ANK1: variants seen among roughly 807,000 people sequenced by gnomAD.
ANK1 encodes the protein ankyrin-1.
In ANK1, 51 loss-of-function variants were observed where a neutral mutation model predicts 210.4. The observed-to-expected ratio is 0.24, with a 90% CI of 0.19 to 0.31. The LOEUF (loss-of-function observed/expected upper bound fraction) is 0.31. Among genes scored for constraint, ANK1 ranks in the 10% least tolerant of loss-of-function variants. ANK1 has a pLI of 1.00. For synonymous variants in ANK1, 967 were observed against 1,025.9 expected (o/e 0.94, Z 1.10); for missense variants, 2,051 against 2,504.4 (o/e 0.82, Z 3.86).
At chr8:41,871,608 G>A (rs1206557574) in intron 1 of ANK1, among the ~76,000 whole-genome samples, 2 of 152,184 alleles carry the variant, frequency 1.3e-5, no homozygotes, top group Non-Finnish European at 2.9e-5. Flanking sequence ...CCAGGAGCCA[G>A]GAGAGGGGCC....
chr8:41,761,671 A>G (rs1402769569), intron 1 of ANK1, among the ~76,000 whole-genome samples: 1 of 152,206 alleles, frequency 6.6e-6, no homozygotes, highest in Non-Finnish European at 1.5e-5. Context: ...CACACTAGTG[A>G]TGACCACCCT....
At chr8:41,864,992 G>A (rs770288833) in intron 1 of ANK1, among the ~76,000 whole-genome samples, 22 of 152,294 alleles carry the variant, frequency 1.4e-4, no homozygotes, top group Non-Finnish European at 2.5e-4. Flanking sequence ...CCACAAACAC[G>A]GCAACCCCTT....
At chr8:41,837,172 T>A (rs1184031000) in intron 1 of ANK1, among the ~76,000 whole-genome samples, 4 of 152,210 alleles carry the variant, frequency 2.6e-5, no homozygotes, top group Non-Finnish European at 5.9e-5. Flanking sequence ...CACAGAGTAA[T>A]TTTAAGTCTC....
At chr8:41,840,415 T>A (rs1161544173) in intron 1 of ANK1, 1 of 152,252 alleles carries the variant, frequency 6.6e-6, no homozygotes, top group Non-Finnish European at 1.5e-5. Context: ...TACCTACCTC[T>A]TTTTTTCACA....
chr8:41,703,980 TCA>T, intron 20 of ANK1, 59 bp downstream of exon 20: 1 of 1,495,490 alleles, frequency 6.7e-7, no homozygotes, highest in South Asian at 1.1e-5. Context: ...TTAGGGGAGT[TCA>T]CACAGGGCTG....
chr8:41,818,999 G>A (rs573514362), intron 1 of ANK1, among the ~76,000 whole-genome samples: 2 of 152,284 alleles, frequency 1.3e-5, no homozygotes, highest in East Asian at 3.9e-4. Flanking sequence ...GCAATATGGA[G>A]TAACTCAAGC....
At chr8:41,662,450 C>A (rs935696529) in intron 40 of ANK1, among the ~76,000 whole-genome samples, 1 of 152,216 alleles carries the variant, frequency 6.6e-6, no homozygotes, top group Non-Finnish European at 1.5e-5. Context: ...GGGGCCTTGG[C>A]AGTGTCATTT....
chr8:41,710,678 C>T (rs1259710835), intron 16 of ANK1, among the ~76,000 whole-genome samples: 1 of 152,236 alleles, frequency 6.6e-6, no homozygotes. Flanking sequence ...GGCTGCCCAA[C>T]GTGGGATCTG....
At chr8:41,878,124 G>A (rs1053604235) in intron 1 of ANK1, among the ~76,000 whole-genome samples, 1 of 152,180 alleles carries the variant, frequency 6.6e-6, no homozygotes, top group Non-Finnish European at 1.5e-5. Context: ...CCCATTATGC[G>A]ACTTACCAAA....
intron 1 of ANK1, among the ~76,000 whole-genome samples, chr8:41,860,059 A>G (rs942056714): frequency 2.7e-4 from 41 of 152,298 alleles, no homozygotes; most frequent in Middle Eastern, 6.8e-3. Flanking sequence ...CCATCAGCAA[A>G]CGAGACAAGG....
At chr8:41,877,983 C>A (rs1393953396) in intron 1 of ANK1, among the ~76,000 whole-genome samples, 1 of 152,154 alleles carries the variant, frequency 6.6e-6, no homozygotes, top group Non-Finnish European at 1.5e-5. Context: ...GGGCACACAG[C>A]CTAGCGCCCA....
At chr8:41,792,626 T>G (rs1447518658) in intron 1 of ANK1, among the ~76,000 whole-genome samples, 1 of 151,996 alleles carries the variant, frequency 6.6e-6, no homozygotes, top group Middle Eastern at 3.2e-3. Flanking sequence ...GCTCACAGCG[T>G]GGAGGAGAGA....
chr8:41,798,374 A>C (rs969293402), upstream of ANK1, among the ~76,000 whole-genome samples: 2 of 152,116 alleles, frequency 1.3e-5, no homozygotes, highest in African/African-American at 2.4e-5. Context: ...GTTCCTGGGA[A>C]CCGAGGTGAG....
intron 24 of ANK1, among the ~76,000 whole-genome samples, chr8:41,697,384 A>G (rs1229157874): frequency 6.6e-6 from 1 of 151,996 alleles, no homozygotes; most frequent in Admixed American, 6.5e-5. Context: ...TGCTCTCTAG[A>G]TCTTCACATT....
rs150256666 is a variant in ANK1 at position 41,679,854 on chromosome 8, G to A, written c.4537+4690C>T. On this transcript the variant is annotated intron_variant, in intron 37 of 42. Transcript: ENST00000289734. Reference sequence around the variant, plus strand: ...GCTGGGATTACAAGCGTGAGCCACCGCGCCCGGCCTTCCTGGACTTTCAAA... The same window carrying A: ...GCTGGGATTACAAGCGTGAGCCACCACGCCCGGCCTTCCTGGACTTTCAAA... 2.6e-3 allele frequency among the ~76,000 whole-genome samples: 391 copies of A among 152,062 alleles called. 2 individuals carry two copies. Among genetic ancestry groups the A allele is most frequent in the Admixed American group, 5.4e-3 (83 of 15,272 alleles).
chr8:41,661,633 G>T, intron 41 of ANK1, 69 bp from the exon 42 acceptor site: 1 of 1,609,064 alleles, frequency 6.2e-7, no homozygotes, highest in Non-Finnish European at 8.5e-7. Context: ...GCAGAAGATC[G>T]AAAGGAGGCC....
intron 2 of ANK1, among the ~76,000 whole-genome samples, chr8:41,745,456 G>A (rs958335435): frequency 6.6e-6 from 1 of 152,150 alleles, no homozygotes; most frequent in Admixed American, 6.5e-5. Context: ...ATGCAGACAC[G>A]GGAGATGCGG....
chr8:41,705,606 C>T (rs1393836138), intron 18 of ANK1, among the ~76,000 whole-genome samples: 7 of 152,196 alleles, frequency 4.6e-5, no homozygotes, highest in African/African-American at 7.2e-5. Context: ...CCCACCTCCT[C>T]GCACCAACTG....
intron 1 of ANK1, among the ~76,000 whole-genome samples, chr8:41,895,905 C>G (rs551737717): frequency 4.6e-5 from 7 of 151,044 alleles, no homozygotes; most frequent in African/African-American, 7.4e-5. Context: ...AGAGCTGCCC[C>G]CCCCCGGCCC....
Sources: gnomAD v4.1 joint callset for allele counts (sites outside exome capture counted in the v4.1 genomes callset) on GRCh38, gnomAD v4.1.1 for gene constraint, MANE v1.5 for transcripts, NCBI Gene and HGNC (gene_info 2026-07-23, HGNC 2026-07-21) for gene names.